The following XKR9 variants were observed in gnomAD, a reference collection of about 807,000 sequenced individuals.
XKR9 encodes the protein XK related 9.
In XKR9, 32 loss-of-function variants were observed where a neutral mutation model predicts 32.0. The observed-to-expected ratio is 1.00, with a 90% CI of 0.76 to 1.34. XKR9 has a LOEUF of 1.34. Among genes scored for constraint, XKR9 ranks in the 40% most tolerant of loss-of-function variants. XKR9 has a pLI of 0.00. For synonymous variants in XKR9, 168 were observed against 143.4 expected (o/e 1.17, Z -1.22); for missense variants, 546 against 429.7 (o/e 1.27, Z -2.39).
intron 3 of XKR9, among the ~76,000 whole-genome samples, chr8:70,688,878 A>G (rs977287141): frequency 3.9e-5 from 6 of 152,302 alleles, no homozygotes; most frequent in East Asian, 3.9e-4. Context: ...TTTCTAATGA[A>G]TCAAATATTT....
the XKR9 span, among the ~76,000 whole-genome samples, chr8:71,014,171 G>C: frequency 5.3e-5 from 8 of 152,152 alleles, no homozygotes; most frequent in African/African-American, 1.7e-4. Flanking sequence ...CTTAATGAGA[G>C]CCTTTCCCAA....
chr8:70,884,516 T>G, the XKR9 span, among the ~76,000 whole-genome samples: 1 of 152,212 alleles, frequency 6.6e-6, no homozygotes, highest in African/African-American at 2.4e-5. Context: ...GCATTTTAAA[T>G]TTAGGTCTAT....
the XKR9 span, among the ~76,000 whole-genome samples, chr8:70,937,821 C>G: frequency 3.3e-5 from 5 of 152,038 alleles, no homozygotes; most frequent in Non-Finnish European, 7.4e-5. Context: ...AAACTTGAAG[C>G]AAAAATCATT....
chr8:70,943,197 C>T, the XKR9 span, among the ~76,000 whole-genome samples: 1 of 152,146 alleles, frequency 6.6e-6, no homozygotes, highest in Non-Finnish European at 1.5e-5. Flanking sequence ...CCCTGCTTAT[C>T]ATTCATTCAT....
chr8:70,855,852 C>A, the XKR9 span, among the ~76,000 whole-genome samples: 6 of 152,150 alleles, frequency 3.9e-5, no homozygotes, highest in Non-Finnish European at 7.4e-5. Flanking sequence ...AATTTTCAAC[C>A]CAGAATTTCA....
chr8:70,850,415 G>A, the XKR9 span, among the ~76,000 whole-genome samples: 4 of 126,040 alleles, frequency 3.2e-5, no homozygotes, highest in African/African-American at 1.2e-4. Context: ...AGTGAGCCAA[G>A]ATCTTGCTAC....
At chr8:70,879,797 C>A in the XKR9 span, among the ~76,000 whole-genome samples, 1 of 152,252 alleles carries the variant, frequency 6.6e-6, no homozygotes, top group East Asian at 1.9e-4. Flanking sequence ...CATCCTGATA[C>A]CAAAGCCTGG....
At chr8:70,807,564 G>A in the XKR9 span, among the ~76,000 whole-genome samples, 5 of 151,830 alleles carry the variant, frequency 3.3e-5, no homozygotes, top group Admixed American at 1.3e-4. Flanking sequence ...AAGGGATGGA[G>A]GAATATTTAC....
chr8:70,902,973 CA>C, the XKR9 span, among the ~76,000 whole-genome samples: 1 of 152,198 alleles, frequency 6.6e-6, no homozygotes, highest in African/African-American at 2.4e-5. Flanking sequence ...ACCAGCCTTG[CA>C]TCCCAGGGAT....
chr8:70,751,327 A>G (rs1221390710), intron 2 of XKR9, among the ~76,000 whole-genome samples: 2 of 152,068 alleles, frequency 1.3e-5, no homozygotes, highest in African/African-American at 4.8e-5. Context: ...ATGGGGTTTC[A>G]CCATGTTGGC....
the XKR9 span, among the ~76,000 whole-genome samples, chr8:70,822,753 T>A: frequency 6.6e-6 from 1 of 151,980 alleles, no homozygotes; most frequent in African/African-American, 2.4e-5. Context: ...CCCAGTTTTT[T>A]AAGACTTTAC....
intron 2 of XKR9, among the ~76,000 whole-genome samples, chr8:70,754,951 G>T (rs969397623): frequency 2.2e-4 from 33 of 152,086 alleles, no homozygotes; most frequent in African/African-American, 7.7e-4. Context: ...CACAGCAAAA[G>T]AAACTACCAT....
At chr8:70,883,548 C>G in the XKR9 span, among the ~76,000 whole-genome samples, 1 of 152,058 alleles carries the variant, frequency 6.6e-6, no homozygotes, top group Non-Finnish European at 1.5e-5. Flanking sequence ...CTTAAGGAAT[C>G]TCCATACTGT....
the XKR9 span, among the ~76,000 whole-genome samples, chr8:71,007,909 A>G: frequency 6.6e-6 from 1 of 152,134 alleles, no homozygotes; most frequent in Non-Finnish European, 1.5e-5. Context: ...GAAGCAAAAA[A>G]GCATTTATTT....
At chr8:71,019,870 T>C in the XKR9 span, among the ~76,000 whole-genome samples, 1 of 152,202 alleles carries the variant, frequency 6.6e-6, no homozygotes, top group African/African-American at 2.4e-5. Context: ...TATATAGTAA[T>C]AGTTAAGGTT....
At chr8:71,039,530 A>G in the XKR9 span, among the ~76,000 whole-genome samples, 1 of 152,218 alleles carries the variant, frequency 6.6e-6, no homozygotes, top group Non-Finnish European at 1.5e-5. Flanking sequence ...GCACTCTTGT[A>G]AAGTAAAAAA....
the XKR9 span, among the ~76,000 whole-genome samples, chr8:70,803,199 A>G: frequency 1.3e-5 from 2 of 152,080 alleles, no homozygotes; most frequent in Admixed American, 1.3e-4. Context: ...TTGGTCTTCA[A>G]ACTTGGACAT....
chr8:70,690,078 T>C (rs541749180), intron 3 of XKR9, among the ~76,000 whole-genome samples: 1 of 152,338 alleles, frequency 6.6e-6, no homozygotes, highest in South Asian at 2.1e-4. Flanking sequence ...ACAAACACTT[T>C]ACTCTTTTTT....
chr8:70,788,062 T>G (rs149994135), intron 2 of XKR9, among the ~76,000 whole-genome samples: 1 of 152,208 alleles, frequency 6.6e-6, no homozygotes, highest in Non-Finnish European at 1.5e-5. Context: ...ATAAATAACT[T>G]AATTAATTTC....
Sources: gnomAD v4.1 joint callset for allele counts (sites outside exome capture counted in the v4.1 genomes callset) on GRCh38, gnomAD v4.1.1 for gene constraint, MANE v1.5 for transcripts, NCBI Gene and HGNC (gene_info 2026-07-23, HGNC 2026-07-21) for gene names.